The following MED13L variants were observed in gnomAD, a reference collection of about 807,000 sequenced individuals.
The protein encoded by MED13L is mediator complex subunit 13L.
Under a neutral mutation model 220.9 loss-of-function variants are expected in MED13L, and 7 were observed. The observed-to-expected ratio is 0.03, with a 90% CI of 0.02 to 0.06. The LOEUF (loss-of-function observed/expected upper bound fraction) is 0.06, where lower values mean the gene tolerates loss of function less well. MED13L is among the 10% of genes least tolerant of loss of function. MED13L has a pLI of 1.00. For missense variants in MED13L, 1,965 were observed against 2,760.5 expected (o/e 0.71, Z 6.46); for synonymous variants, 1,011 against 1,015.2 (o/e 1.00, Z 0.08).
At chr12:116,126,487 T>C (rs1875599583) in intron 2 of MED13L, among the ~76,000 whole-genome samples, 1 of 152,174 alleles carries the variant, frequency 6.6e-6, no homozygotes, top group Non-Finnish European at 1.5e-5. Flanking sequence ...CCTCTGGCCC[T>C]TTCCATCTCC....
chr12:116,089,020 T>C (rs1465445088), intron 4 of MED13L, among the ~76,000 whole-genome samples: 1 of 151,970 alleles, frequency 6.6e-6, no homozygotes, highest in Non-Finnish European at 1.5e-5. Flanking sequence ...TGTAAGCAGC[T>C]TAAGGACATA....
chr12:116,061,001 CCTT>C (rs1012285798), intron 4 of MED13L, among the ~76,000 whole-genome samples: 5 of 152,286 alleles, frequency 3.3e-5, no homozygotes, highest in East Asian at 1.9e-4. Flanking sequence ...CTATCTCCTG[CCTT>C]CTTCTCCTCC....
At chr12:115,987,066 G>T in intron 18 of MED13L, 43 bp downstream of exon 18, 2 of 1,593,628 alleles carry the variant, frequency 1.3e-6, no homozygotes, top group Non-Finnish European at 1.7e-6. Flanking sequence ...TCACTGAACA[G>T]CACTGAAGTC....
intron 2 of MED13L, among the ~76,000 whole-genome samples, chr12:116,164,679 C>A (rs988313399): frequency 6.6e-6 from 1 of 152,190 alleles, no homozygotes; most frequent in East Asian, 1.9e-4. Flanking sequence ...CTGACAATTA[C>A]ACACACGACA....
At chr12:116,275,077 T>G (rs1201093316) in intron 1 of MED13L, among the ~76,000 whole-genome samples, 2 of 152,020 alleles carry the variant, frequency 1.3e-5, no homozygotes, top group Non-Finnish European at 2.9e-5. Context: ...AATCCGTATA[T>G]ACACAGCCAT....
chr12:115,981,131 T>C (rs1379540846), intron 22 of MED13L, among the ~76,000 whole-genome samples, 193 bp from the exon 23 acceptor site: 4 of 152,182 alleles, frequency 2.6e-5, no homozygotes, highest in Non-Finnish European at 5.9e-5. Context: ...TGACATAAAA[T>C]TCTCTATCAC....
chr12:115,981,212 C>T lies in MED13L; in HGVS notation c.5176-274G>A, dbSNP rs73196099. ...TCACTTAGAAACTACCATGTTCCCACTTTAGGGGTAAGATCTCAATTTATT... is the reference window on the plus strand; with the variant it reads ...TCACTTAGAAACTACCATGTTCCCATTTTAGGGGTAAGATCTCAATTTATT... On this transcript the variant is annotated intron_variant, in intron 22 of 30. Coordinates refer to ENST00000281928, the MANE Select transcript of MED13L (RefSeq NM_015335.5). Among the ~76,000 whole-genome samples the T allele has an allele frequency of 0.26, 38,940 of 152,056 alleles. 5,111 individuals are homozygous for T. Among genetic ancestry groups the T allele is most frequent in the Middle Eastern group, 0.32 (93 of 294 alleles).
intron 3 of MED13L, among the ~76,000 whole-genome samples, chr12:116,102,465 C>G (rs1873136890): frequency 6.6e-6 from 1 of 152,120 alleles, no homozygotes; most frequent in African/African-American, 2.4e-5. Context: ...TTCTGTTAAT[C>G]ATCGAGTTAC....
intron 1 of MED13L, among the ~76,000 whole-genome samples, chr12:116,264,118 A>G (rs1405437997): frequency 6.6e-6 from 1 of 152,220 alleles, no homozygotes; most frequent in African/African-American, 2.4e-5. Context: ...GTTTAGAGCA[A>G]AAAGCAGAAC....
At chr12:116,273,161 G>A (rs1056261317) in intron 1 of MED13L, among the ~76,000 whole-genome samples, 4 of 151,848 alleles carry the variant, frequency 2.6e-5, no homozygotes, top group Admixed American at 2.0e-4. Context: ...AAAATTAGCC[G>A]GGCGTGGTGG....
intron 4 of MED13L, among the ~76,000 whole-genome samples, chr12:116,086,140 A>C (rs572552796): frequency 6.6e-6 from 1 of 152,350 alleles, no homozygotes; most frequent in Non-Finnish European, 1.5e-5. Flanking sequence ...ATACGAGGGC[A>C]GAGTGATTTG....
intron 4 of MED13L, among the ~76,000 whole-genome samples, chr12:116,057,467 G>C (rs1228626969): frequency 6.6e-6 from 1 of 151,568 alleles, no homozygotes; most frequent in East Asian, 1.9e-4. Flanking sequence ...ATCCACAGTT[G>C]GGTACCCTCT....
intron 4 of MED13L, among the ~76,000 whole-genome samples, chr12:116,031,963 T>C (rs936159318): frequency 6.6e-6 from 1 of 151,976 alleles, no homozygotes; most frequent in African/African-American, 2.4e-5. Context: ...AGTTCAACAA[T>C]AGTTGTACTC....
intron 2 of MED13L, among the ~76,000 whole-genome samples, chr12:116,133,871 T>G (rs1876290892): frequency 6.6e-6 from 1 of 152,128 alleles, no homozygotes; most frequent in Non-Finnish European, 1.5e-5. Flanking sequence ...CACATGTAGT[T>G]CTTCTGGCCA....
intron 4 of MED13L, among the ~76,000 whole-genome samples, chr12:116,049,132 G>C (rs1882007402): frequency 1.3e-5 from 2 of 152,152 alleles, no homozygotes; most frequent in African/African-American, 4.8e-5. Flanking sequence ...TGTACAGAAT[G>C]TTACTATTTT....
intron 2 of MED13L, among the ~76,000 whole-genome samples, chr12:116,191,232 T>A (rs1439364828): frequency 6.6e-6 from 1 of 152,154 alleles, no homozygotes; most frequent in Non-Finnish European, 1.5e-5. Flanking sequence ...TTCTAACTAT[T>A]ATTTATTTAC....
chr12:115,978,349 C>CA (rs1877097339), intron 23 of MED13L, among the ~76,000 whole-genome samples: 1 of 132,688 alleles, frequency 7.5e-6, no homozygotes, highest in Non-Finnish European at 1.6e-5. Flanking sequence ...TTTTTGGAGA[C>CA]AGAGTCTCAC....
At chr12:116,005,517 G>T (rs1878994563) in intron 13 of MED13L, among the ~76,000 whole-genome samples, 1 of 152,192 alleles carries the variant, frequency 6.6e-6, no homozygotes, top group Non-Finnish European at 1.5e-5. Flanking sequence ...AAACCTAAGG[G>T]ACAATGTAAT....
At chr12:116,113,357 C>A (rs965270113) in intron 2 of MED13L, among the ~76,000 whole-genome samples, 15 of 151,578 alleles carry the variant, frequency 9.9e-5, no homozygotes, top group African/African-American at 3.6e-4. Context: ...AAATAGGGGG[C>A]TGGATGTGGT....
Sources: allele counts gnomAD v4.1 joint callset (sites outside exome capture counted in the v4.1 genomes callset), GRCh38; gene constraint gnomAD v4.1.1; transcripts MANE v1.5; gene names NCBI Gene and HGNC (gene_info 2026-07-23, HGNC 2026-07-21).